The following EIF3F variants were observed in gnomAD, a reference collection of about 807,000 sequenced individuals.
EIF3F encodes the protein eukaryotic translation initiation factor 3 subunit F.
Under a neutral mutation model 36.0 loss-of-function variants are expected in EIF3F, and 8 were observed. That is an observed-to-expected ratio of 0.22 (90% CI 0.13 to 0.40). The LOEUF is 0.40. EIF3F is among the 10% of genes least tolerant of loss of function. The pLI, the probability that EIF3F is intolerant of heterozygous loss-of-function variation, is 1.00. For synonymous variants in EIF3F, 184 were observed against 188.5 expected, an observed-to-expected ratio of 0.98 and a Z score of 0.19; for missense variants, 430 against 467.6, an observed-to-expected ratio of 0.92 and a Z score of 0.74.
At chr11:7,988,945 G>A (rs1942059149) in intron 1 of EIF3F, among the ~76,000 whole-genome samples, 1 of 152,174 alleles carries the variant, frequency 6.6e-6, no homozygotes, top group African/African-American at 2.4e-5. Flanking sequence ...ATCTATCTTT[G>A]ACGGTATAGC....
chr11:7,988,583 T>C (rs12275353), intron 1 of EIF3F, among the ~76,000 whole-genome samples: 19,390 of 152,236 alleles, frequency 0.13, 1,448 homozygotes, highest in African/African-American at 0.2. Flanking sequence ...GAAATTCGTT[T>C]CCATTCCATC....
At chr11:7,994,636 T>C in intron 5 of EIF3F, 119 bp downstream of exon 5, 2 of 913,864 alleles carry the variant, frequency 2.2e-6, no homozygotes, top group Non-Finnish European at 3.3e-6. Flanking sequence ...TGATCTAAGG[T>C]TTGTGAAGAC....
At chr11:7,988,637 C>T (rs1190346195) in intron 1 of EIF3F, among the ~76,000 whole-genome samples, 1 of 152,306 alleles carries the variant, frequency 6.6e-6, no homozygotes, top group Non-Finnish European at 1.5e-5. Flanking sequence ...ACTTTATTTA[C>T]AAGCATTCTT....
chr11:7,994,597 AGGCCTTGGGT>A, intron 5 of EIF3F, 80 bp downstream of exon 5: 1 of 1,377,224 alleles, frequency 7.3e-7, no homozygotes, highest in Non-Finnish European at 1.0e-6. Flanking sequence ...ACATGGACGG[AGGCCTTGGGT>A]GGTTTGAAAA....
chr11:7,991,329 C>G (rs1424742833), intron 1 of EIF3F, among the ~76,000 whole-genome samples: 2 of 152,098 alleles, frequency 1.3e-5, no homozygotes, highest in African/African-American at 4.8e-5. Context: ...GACCATGGGA[C>G]CAGATGGCTA....
At position 7,987,588 on chromosome 11, in the gene EIF3F, G is replaced by A; in HGVS notation, c.236G>A (p.Gly79Asp). 1.9e-6 allele frequency: 3 copies of A among 1,596,832 alleles called. No homozygotes were observed. The highest frequency in any genetic ancestry group is 1.7e-6 in the Non-Finnish European group (2 of 1,171,760). The change falls in exon 1 of 8, where the codon GGT (glycine) becomes GAT (aspartate). Residue 79 changes from glycine to aspartate, a missense_variant. This residue lies in a region of EIF3F where 168 missense variants were observed against 120.2 expected (regional missense o/e 1.40). Transcript: ENST00000651655. ...PAQTPAPALP[G>D]PALPGPFPGG... The stretch of plus-strand genomic sequence containing the variant: ...CAGACCCCAGCGCCCGCTCTGCCTG[G>A]TCCTGCTCTTCCAGGGCCCTTCCCC...
rs115448265 is a variant in EIF3F, at chr11:7,995,546, G to A, written c.996+179G>A. Reference sequence around the variant, plus strand: ...AAGAGGTGTGTTATGCGTGGTTGGAGACTTCCTTCCTTCTCCCATGATTCC... The same window carrying A: ...AAGAGGTGTGTTATGCGTGGTTGGAAACTTCCTTCCTTCTCCCATGATTCC... On this transcript the variant is annotated intron_variant, in intron 7 of 7. Coordinates refer to ENST00000651655, the MANE Select transcript of EIF3F (RefSeq NM_003754.3). The A allele has an allele frequency of 4.8e-3, 3,040 of 627,122 alleles. 75 individuals are homozygous for A. The African/African-American group carries it at 0.05, about 10-fold the overall frequency. The allele number at this position is 627,122 out of a possible 1,614,324, so 38.8% of individuals were successfully genotyped here. A position where few individuals can be genotyped will look rare whatever the true frequency, so the allele number is the denominator to read the frequency against.
In EIF3F at chr11:7,987,733, AG is replaced by A; in HGVS notation, c.364+18del. ...CCCTGTTGGGTGAGTGGTCAGAGAA[AG>A]TTAACATTCTTTTCTTCCTCCCACT... is the stretch of plus-strand genomic sequence containing the variant. On this transcript the variant is annotated intron_variant, in intron 1 of 7. Transcript: ENST00000651655. 1 of 1,493,512 alleles carries A rather than the reference AG, an allele frequency of 6.7e-7. No individual in the cohort carries two copies. Among genetic ancestry groups the A allele is most frequent in the Non-Finnish European group, 8.9e-7 (1 of 1,121,630 alleles). The allele number at this position is 1,493,512 out of a possible 1,614,324, so 92.5% of individuals were successfully genotyped here.
At chr11:7,993,327 G>A (rs4076921) in intron 4 of EIF3F, among the ~76,000 whole-genome samples, 3 of 151,984 alleles carry the variant, frequency 2.0e-5, no homozygotes, top group Non-Finnish European at 4.4e-5. Context: ...ATCATCACAT[G>A]GTATTCTTGT....
chr11:7,988,939 A>G (rs754735359), intron 1 of EIF3F, among the ~76,000 whole-genome samples: 6 of 152,144 alleles, frequency 3.9e-5, no homozygotes, highest in African/African-American at 9.7e-5. Context: ...TCCTTTATCT[A>G]TCTTTGACGG....
intron 3 of EIF3F, 169 bp from the exon 4 acceptor site, chr11:7,992,718 T>G: frequency 1.2e-6 from 1 of 821,058 alleles, no homozygotes; most frequent in Non-Finnish European, 2.0e-6. Flanking sequence ...AAGTCAGCCT[T>G]TGATTTTATT....
At position 7,996,539 on chromosome 11, in the gene EIF3F, G is replaced by T. The variant is rs1052313214; in HGVS notation, c.*517G>T. The T allele has an allele frequency of 2.6e-5, 4 of 152,744 alleles. No individual in the cohort carries two copies. Among genetic ancestry groups the T allele is most frequent in the Non-Finnish European group, 5.8e-5 (4 of 68,506 alleles). The allele number at this position is 152,744 out of a possible 1,614,324, so 9.5% of individuals were successfully genotyped here. On this transcript the variant is annotated 3_prime_UTR_variant, in exon 8 of 8. Coordinates refer to ENST00000651655, the MANE Select transcript of EIF3F (RefSeq NM_003754.3). Reference sequence around the variant, plus strand: ...CGGGGAGGCAGAATTAAGATCTGTGGGTTAAAGATTAAAGAGGTTTCCCCA... The same window carrying T: ...CGGGGAGGCAGAATTAAGATCTGTGTGTTAAAGATTAAAGAGGTTTCCCCA...
At chr11:7,992,300 T>C in intron 3 of EIF3F, 137 bp downstream of exon 3, 2 of 766,020 alleles carry the variant, frequency 2.6e-6, no homozygotes, top group Non-Finnish European at 4.2e-6. Context: ...CTGTGAGCAG[T>C]GGCTCAATGC....
intron 1 of EIF3F, among the ~76,000 whole-genome samples, chr11:7,989,678 A>G (rs984012990): frequency 6.6e-6 from 1 of 152,248 alleles, no homozygotes; most frequent in African/African-American, 2.4e-5. Context: ...TAAATGTTCC[A>G]ATAGAAGGGT....
chr11:7,988,293 G>A (rs965415604), intron 1 of EIF3F, among the ~76,000 whole-genome samples: 1 of 152,218 alleles, frequency 6.6e-6, no homozygotes, highest in African/African-American at 2.4e-5. Context: ...GTGTTCTGCT[G>A]TCCTAAACGT....
At position 8,001,788 on chromosome 11, in the gene EIF3F, T is replaced by C. The variant is rs1942225096; in HGVS notation, c.*5766T>C. The C allele has an allele frequency of 6.6e-6, 1 of 152,156 alleles. No homozygotes were observed. Among genetic ancestry groups the C allele is most frequent in the Non-Finnish European group, 1.5e-5 (1 of 68,016 alleles). The allele number at this position is 152,156 out of a possible 1,614,324, so 9.4% of individuals were successfully genotyped here. ...TTCTTATTGTTTCTTCTGTATAACT[T>C]TTGAATTTTATGCTGTTAATGTAAT... On this transcript the variant is annotated 3_prime_UTR_variant, in exon 8 of 8. Transcript: ENST00000651655.
chr11:7,991,510 G>A (rs1229698438), intron 1 of EIF3F, among the ~76,000 whole-genome samples: 1 of 152,200 alleles, frequency 6.6e-6, no homozygotes, highest in Non-Finnish European at 1.5e-5. Context: ...GAATAGGCTA[G>A]TAGTGGAGAG....
Position 7,987,747 on chromosome 11 carries a change from TC to T in EIF3F, c.364+32del, listed in dbSNP as rs753851325. The T allele has an allele frequency of 2.0e-6, 3 of 1,470,914 alleles. No individual in the cohort carries two copies. The African/African-American group carries it at 4.4e-5, about 22-fold the overall frequency. 91.1% of individuals were successfully genotyped at this position (1,470,914 alleles called of 1,614,324 possible). ...TGGTCAGAGAAAGTTAACATTCTTTTCTTCCTCCCACTTCTCATTTATCTCA... is the reference window on the plus strand; with the variant it reads ...TGGTCAGAGAAAGTTAACATTCTTTTTTCCTCCCACTTCTCATTTATCTCA... On this transcript the variant is annotated intron_variant, in intron 1 of 7. Coordinates refer to ENST00000651655, the MANE Select transcript of EIF3F (RefSeq NM_003754.3).
At chr11:7,990,900 T>TTAAA (rs1942084471) in intron 1 of EIF3F, among the ~76,000 whole-genome samples, 1 of 136,974 alleles carries the variant, frequency 7.3e-6, no homozygotes, top group Admixed American at 7.1e-5. Flanking sequence ...AATAAATAAA[T>TTAAA]AAAAGAAATA....
Sources: gnomAD v4.1 joint callset for allele counts (sites outside exome capture counted in the v4.1 genomes callset) on GRCh38, gnomAD v4.1.1 for gene constraint, gnomAD v4.1.1 regional missense constraint, MANE v1.5 for transcripts, NCBI Gene and HGNC (gene_info 2026-07-23, HGNC 2026-07-21) for gene names.